The following MSI2 variants were observed in gnomAD, a reference collection of about 807,000 sequenced individuals.
The protein encoded by MSI2 is musashi RNA binding protein 2, also known as RNA-binding protein Musashi homolog 2.
In MSI2, 17 loss-of-function variants were observed where a neutral mutation model predicts 45.6. The observed-to-expected ratio is 0.37, with a 90% CI of 0.26 to 0.56. MSI2 has a LOEUF of 0.56. Among genes scored for constraint, MSI2 ranks in the 20% least tolerant of loss-of-function variants. The probability of loss-of-function intolerance (pLI) is 0.77; values close to 1 mark genes in which losing one functional copy is unlikely to be tolerated. For missense variants in MSI2, 293 were observed against 444.2 expected, an observed-to-expected ratio of 0.66 and a Z score of 3.06; for synonymous variants, 156 against 158.2, an observed-to-expected ratio of 0.99 and a Z score of 0.11.
chr17:57,436,711 C>T (rs143066658), intron 6 of MSI2, among the ~76,000 whole-genome samples: 4 of 152,288 alleles, frequency 2.6e-5, no homozygotes, highest in Non-Finnish European at 5.9e-5. Flanking sequence ...TTGCTGTGGG[C>T]ATTCCAATGA....
At chr17:57,394,979 G>A (rs1203780613) in intron 5 of MSI2, among the ~76,000 whole-genome samples, 1 of 152,236 alleles carries the variant, frequency 6.6e-6, no homozygotes, top group Admixed American at 6.5e-5. Flanking sequence ...GAGTTCAGAA[G>A]TCTGAAATCA....
rs533442742 is a variant in MSI2, at chr17:57,508,169, G to A, written c.406-21507G>A. On this transcript the variant is annotated intron_variant, in intron 6 of 13. Transcript: ENST00000284073. ...AGAGGAAAGCCATCCTGAGTGCTTC[G>A]TCACCCATTCCCTTGCCTGTGGCCC... 2.0e-4 allele frequency among the ~76,000 whole-genome samples: 30 copies of A among 152,216 alleles called. No individual in the cohort carries two copies. In the East Asian group the frequency reaches 5.2e-3, roughly 27 times the overall value.
At chr17:57,337,726 C>T (rs1343832910) in intron 5 of MSI2, among the ~76,000 whole-genome samples, 1 of 152,144 alleles carries the variant, frequency 6.6e-6, no homozygotes, top group African/African-American at 2.4e-5. Context: ...GCTTGCTTTT[C>T]AGAAGGAAAG....
At chr17:57,382,621 A>G (rs567479191) in intron 5 of MSI2, among the ~76,000 whole-genome samples, 5 of 152,342 alleles carry the variant, frequency 3.3e-5, no homozygotes, top group African/African-American at 1.2e-4. Flanking sequence ...ACAAAGGGCT[A>G]GAAAACCCTG....
intron 11 of MSI2, among the ~76,000 whole-genome samples, chr17:57,669,590 T>G (rs1912629832): frequency 6.6e-6 from 1 of 152,192 alleles, no homozygotes; most frequent in Non-Finnish European, 1.5e-5. Flanking sequence ...TTGGAGAGTG[T>G]GATAACTTTA....
At chr17:57,700,383 G>A in the MSI2 span, among the ~76,000 whole-genome samples, 1 of 152,112 alleles carries the variant, frequency 6.6e-6, no homozygotes, top group Non-Finnish European at 1.5e-5. Context: ...TTGAAGTCTC[G>A]CACTAATCAG....
chr17:57,359,276 A>C (rs1284207165), intron 5 of MSI2, among the ~76,000 whole-genome samples: 1 of 152,236 alleles, frequency 6.6e-6, no homozygotes, highest in African/African-American at 2.4e-5. Flanking sequence ...TGGGCATTTT[A>C]ATCTTTATTT....
intron 6 of MSI2, among the ~76,000 whole-genome samples, chr17:57,503,282 T>C (rs755625508): frequency 3.3e-5 from 5 of 152,226 alleles, no homozygotes; most frequent in Admixed American, 1.3e-4. Flanking sequence ...AGTTGGCAAA[T>C]TACTTTAATA....
chr17:57,371,126 C>T (rs145167510), intron 5 of MSI2, among the ~76,000 whole-genome samples: 185 of 151,832 alleles, frequency 1.2e-3, no homozygotes, highest in African/African-American at 3.9e-3. Context: ...ATTTCAGCCC[C>T]GTAAAATAGA....
intron 6 of MSI2, among the ~76,000 whole-genome samples, chr17:57,527,932 A>G (rs2144050884): frequency 6.6e-6 from 1 of 152,302 alleles, no homozygotes; most frequent in South Asian, 2.1e-4. Flanking sequence ...GTAGTCTGGG[A>G]GGAGTGAGGC....
At chr17:57,568,994 T>A (rs1472783857) in intron 7 of MSI2, among the ~76,000 whole-genome samples, 1 of 152,176 alleles carries the variant, frequency 6.6e-6, no homozygotes, top group Non-Finnish European at 1.5e-5. Flanking sequence ...TTTCCTGTTG[T>A]AGCCTCTTTT....
intron 5 of MSI2, among the ~76,000 whole-genome samples, chr17:57,379,067 C>T (rs981399037): frequency 2.0e-5 from 3 of 151,828 alleles, no homozygotes; most frequent in African/African-American, 7.3e-5. Flanking sequence ...TTCTGCAGAC[C>T]GACCAGAGGT....
the MSI2 span, among the ~76,000 whole-genome samples, chr17:57,698,007 A>T: frequency 6.6e-6 from 1 of 151,930 alleles, no homozygotes; most frequent in African/African-American, 2.4e-5. Context: ...CGGCTGTCAC[A>T]CTTGCTCACC....
chr17:57,513,604 T>C lies in MSI2; in HGVS notation c.406-16072T>C, dbSNP rs147817889. On this transcript the variant is annotated intron_variant, in intron 6 of 13. Coordinates refer to ENST00000284073, the MANE Select transcript of MSI2 (RefSeq NM_138962.4). ...TGGGATTCTGCAAAAGACAGGACTATATGCCCATGACCACATTTGCCATCA... is the reference window on the plus strand; with the variant it reads ...TGGGATTCTGCAAAAGACAGGACTACATGCCCATGACCACATTTGCCATCA... Among the ~76,000 whole-genome samples the C allele has an allele frequency of 9.7e-4, 148 of 152,366 alleles. 1 individual carries two copies. The highest frequency in any genetic ancestry group is 6.8e-3 in the Middle Eastern group (2 of 294).
At chr17:57,585,280 A>T (rs2088316546) in intron 7 of MSI2, among the ~76,000 whole-genome samples, 1 of 152,210 alleles carries the variant, frequency 6.6e-6, no homozygotes, top group African/African-American at 2.4e-5. Flanking sequence ...AAGTGAGGCT[A>T]TATACAGAGA....
At chr17:57,638,563 G>A (rs940502085) in intron 10 of MSI2, among the ~76,000 whole-genome samples, 8 of 152,136 alleles carry the variant, frequency 5.3e-5, no homozygotes, top group African/African-American at 1.7e-4. Context: ...TCTGGTGACC[G>A]TAATAGAACA....
chr17:57,570,811 A>C (rs2087856687), intron 7 of MSI2, among the ~76,000 whole-genome samples: 1 of 152,230 alleles, frequency 6.6e-6, no homozygotes. Context: ...CATGGTATGC[A>C]GAAGGCTGCT....
chr17:57,482,708 C>G (rs2085672420), intron 6 of MSI2, among the ~76,000 whole-genome samples: 1 of 152,168 alleles, frequency 6.6e-6, no homozygotes, highest in Non-Finnish European at 1.5e-5. Context: ...GTGCCTCTCA[C>G]ATGTATAGAT....
chr17:57,485,492 G>A (rs1373192997), intron 6 of MSI2, among the ~76,000 whole-genome samples: 2 of 152,200 alleles, frequency 1.3e-5, no homozygotes, highest in African/African-American at 4.8e-5. Context: ...TGGGAGCCAC[G>A]CATGGAAGGG....
Sources: gnomAD v4.1 joint callset for allele counts (sites outside exome capture counted in the v4.1 genomes callset) on GRCh38, gnomAD v4.1.1 for gene constraint, MANE v1.5 for transcripts, NCBI Gene and HGNC (gene_info 2026-07-23, HGNC 2026-07-21) for gene names.